Variants in DAB2IP observed in about 807,000 individuals in gnomAD.
DAB2IP encodes DAB2 interacting protein, also known as disabled homolog 2-interacting protein.
A neutral mutation model predicts 107.2 loss-of-function variants in DAB2IP; 28 were observed. The observed-to-expected ratio is 0.26, with a 90% CI of 0.19 to 0.36. The LOEUF is 0.36. DAB2IP is among the 10% of genes least tolerant of loss of function. The pLI is 1.00. For missense variants in DAB2IP, 1,400 were observed against 1,644.7 expected (o/e 0.85, Z 2.57); for synonymous variants, 755 against 706.4 (o/e 1.07, Z -1.09).
intron 1 of DAB2IP, among the ~76,000 whole-genome samples, chr9:121,609,100 G>A (rs567765389): frequency 6.7e-4 from 102 of 152,198 alleles, no homozygotes; most frequent in Non-Finnish European, 1.1e-3. Context: ...TGCCATCACG[G>A]CCAGCTATTT....
intron 3 of DAB2IP, chr9:121,737,596 C>T (rs1339813794): frequency 1.8e-5 from 18 of 985,248 alleles, no homozygotes; most frequent in South Asian, 1.4e-4. Context: ...TGGGCCGGGC[C>T]GGAGGGGCTG....
At chr9:121,774,145 C>T in intron 12 of DAB2IP, 115 bp from the exon 13 acceptor site, 1 of 1,216,860 alleles carries the variant, frequency 8.2e-7, no homozygotes, top group East Asian at 3.0e-5. Context: ...CTGGAGGTCC[C>T]CTCTTCCCAC....
intron 2 of DAB2IP, among the ~76,000 whole-genome samples, chr9:121,681,936 G>C (rs1217011409): frequency 6.6e-6 from 1 of 152,220 alleles, no homozygotes; most frequent in Non-Finnish European, 1.5e-5. Context: ...GCCCAAGTCT[G>C]ACCCATGGTA....
At position 121,634,766 on chromosome 9, in the gene DAB2IP, A is replaced by G. The variant is rs544775255; in HGVS notation, c.41-43912A>G. ...GCCTCTAAAGGAAGCAGATGATAGC[A>G]ATAGGAGAAGGCAGTGGACAGCCCC... is the stretch of plus-strand genomic sequence containing the variant. On this transcript the variant is annotated intron_variant, in intron 1 of 16. Transcript: ENST00000259371. The surrounding 1 kb of genome is among the most constrained non-coding windows in gnomAD (Gnocchi z 4.7). Among the ~76,000 whole-genome samples, 42 of 152,208 alleles carry G rather than the reference A, an allele frequency of 2.8e-4. No individual in the cohort carries two copies. The highest frequency in any genetic ancestry group is 1.4e-3 in the Admixed American group (22 of 15,298).
intron 1 of DAB2IP, among the ~76,000 whole-genome samples, chr9:121,652,812 G>A (rs887003346): frequency 2.0e-5 from 3 of 152,184 alleles, no homozygotes; most frequent in Admixed American, 6.5e-5. Context: ...GCAGGCTGCC[G>A]TTGTGTGACC....
chr9:121,782,446 C>T lies in DAB2IP; in HGVS notation c.3518C>T (p.Thr1173Ile). The stretch of plus-strand genomic sequence containing the variant: ...AACGGCATCTCCCCCACCAACCCCA[C>T]CAAATTGCAGATTACTGAGAACGGC... The change falls in exon 16 of 16, where the codon ACC (threonine) becomes ATC (isoleucine). Residue 1173 changes from threonine to isoleucine, a missense_variant. Physicochemically the swap from Thr to Ile is moderately conservative, Grantham distance 89. Transcript: ENST00000408936. The surrounding 1 kb of genome is among the most constrained non-coding windows in gnomAD (Gnocchi z 6.1). The T allele has an allele frequency of 1.9e-6, 3 of 1,614,116 alleles. No individual in the cohort carries two copies. The East Asian group carries it at 6.7e-5, about 36-fold the overall frequency.
Position 121,764,046 on chromosome 9 carries a change from G to A in DAB2IP, c.1460+167G>A, listed in dbSNP as rs972157577. On this transcript the variant is annotated intron_variant, in intron 8 of 15. Transcript: ENST00000408936. ...TCTCAGGTGGGGCAGCGTTCAGCAT[G>A]TTGCTGTGGTTTTGTGATGGAAAGA... Among the ~76,000 whole-genome samples the A allele has an allele frequency of 4.6e-5, 7 of 152,352 alleles. No individual in the cohort carries two copies. In the East Asian group the frequency reaches 9.6e-4, roughly 21 times the overall value.
intron 3 of DAB2IP, among the ~76,000 whole-genome samples, chr9:121,745,496 G>A (rs530052643): frequency 7.0e-4 from 106 of 152,280 alleles, no homozygotes; most frequent in African/African-American, 2.3e-3. Context: ...GGTGCCCCAC[G>A]CAGACTTCCA....
chr9:121,587,156 C>T (rs1830327761), intron 1 of DAB2IP, among the ~76,000 whole-genome samples: 1 of 152,206 alleles, frequency 6.6e-6, no homozygotes, highest in African/African-American at 2.4e-5. Flanking sequence ...ACTGGTGCTA[C>T]TGCTGATAAT....
At chr9:121,727,482 A>C (rs879908401) in intron 3 of DAB2IP, among the ~76,000 whole-genome samples, 1 of 152,220 alleles carries the variant, frequency 6.6e-6, no homozygotes, top group Non-Finnish European at 1.5e-5. Flanking sequence ...GGTGAGGGCA[A>C]CTGTCTTCAC....
At chr9:121,600,898 GC>G (rs1348176211) in intron 1 of DAB2IP, among the ~76,000 whole-genome samples, 1 of 152,210 alleles carries the variant, frequency 6.6e-6, no homozygotes, top group East Asian at 1.9e-4. Context: ...ATCTTAAGCA[GC>G]CGATCTATAC....
At chr9:121,622,210 G>A (rs1831499007) in intron 1 of DAB2IP, among the ~76,000 whole-genome samples, 1 of 151,640 alleles carries the variant, frequency 6.6e-6, no homozygotes, top group African/African-American at 2.4e-5. Context: ...CGATGGTCTC[G>A]ATTTCCTGAC....
At chr9:121,583,531 T>C (rs1830249760) in intron 1 of DAB2IP, among the ~76,000 whole-genome samples, 1 of 152,112 alleles carries the variant, frequency 6.6e-6, no homozygotes, top group African/African-American at 2.4e-5. Flanking sequence ...AGCAATACTA[T>C]TTCTCTGTGG....
chr9:121,727,891 T>C (rs1343967614), intron 3 of DAB2IP, among the ~76,000 whole-genome samples: 1 of 152,226 alleles, frequency 6.6e-6, no homozygotes, highest in Non-Finnish European at 1.5e-5. Context: ...CAGGGCTGTC[T>C]GCCTTCTCCC....
intron 6 of DAB2IP, among the ~76,000 whole-genome samples, chr9:121,761,942 T>C (rs1194801149): frequency 1.3e-5 from 2 of 152,140 alleles, no homozygotes; most frequent in African/African-American, 4.8e-5. Flanking sequence ...GGGAAGCGGA[T>C]TCCTCCCTGA....
chr9:121,782,583 G>T lies in DAB2IP; in HGVS notation c.*85G>T. ...GGTCTCGGCCTGGGGAGGCACCCAC[G>T]GTTGCAGCCCCAGCGCGGGTGTCAG... On this transcript the variant is annotated 3_prime_UTR_variant, in exon 16 of 16. Coordinates refer to ENST00000408936, the Ensembl canonical transcript of DAB2IP. The surrounding 1 kb of genome is among the most constrained non-coding windows in gnomAD (Gnocchi z 6.1). 2.6e-6 allele frequency: 4 copies of T among 1,557,546 alleles called. No homozygotes were observed. Among genetic ancestry groups the T allele is most frequent in the Non-Finnish European group, 2.6e-6 (3 of 1,148,370 alleles).
intron 3 of DAB2IP, chr9:121,751,953 G>C (rs563596445): frequency 3.0e-6 from 3 of 985,384 alleles, no homozygotes; most frequent in Non-Finnish European, 3.6e-6. Context: ...CTTCCTGGGA[G>C]CAGTAAGGAT....
chr9:121,716,282 C>T (rs2118797258), intron 3 of DAB2IP, among the ~76,000 whole-genome samples: 1 of 152,368 alleles, frequency 6.6e-6, no homozygotes, highest in Middle Eastern at 3.4e-3. Flanking sequence ...CCAGGCCACA[C>T]TGTGCCCATA....
chr9:121,642,007 C>T (rs1832341937), intron 1 of DAB2IP, among the ~76,000 whole-genome samples: 3 of 21,674 alleles, frequency 1.4e-4, no homozygotes, highest in Admixed American at 6.3e-4. Context: ...CTCTCTCTCT[C>T]TCTCTCTCTC....
Sources: gnomAD v4.1 joint callset for allele counts (sites outside exome capture counted in the v4.1 genomes callset) on GRCh38, gnomAD v4.1.1 for gene constraint, Gnocchi (gnomAD v3.1) non-coding constraint, MANE v1.5 for transcripts, NCBI Gene and HGNC (gene_info 2026-07-23, HGNC 2026-07-21) for gene names.